Variants in COL5A1 observed in about 807,000 individuals in gnomAD.
The protein encoded by COL5A1 is collagen type V alpha 1 chain, also known as collagen alpha-1(V) chain.
A neutral mutation model predicts 263.7 loss-of-function variants in COL5A1; 16 were observed. That is an observed-to-expected ratio of 0.06 (90% CI 0.04 to 0.09). The LOEUF (loss-of-function observed/expected upper bound fraction) is 0.09. Among genes scored for constraint, COL5A1 ranks in the 10% least tolerant of loss-of-function variants. COL5A1 has a pLI of 1.00. For synonymous variants in COL5A1, 1,012 were observed against 1,004.5 expected, an observed-to-expected ratio of 1.01 and a Z score of -0.14; for missense variants, 2,036 against 2,540.5, an observed-to-expected ratio of 0.80 and a Z score of 4.27.
In COL5A1 at chr9:134,796,311, CAG is replaced by C. The variant is rs562739200; in HGVS notation, c.2800-60_2800-59del. On this transcript the variant is annotated intron_variant, in intron 34 of 65. Transcript: ENST00000371817. ...CAGACGTTTTGATGACGTTGTGGGC[CAG>C]AGTCTTTTCATCCAAATAATAACAA... 3.4e-3 allele frequency: 5,356 copies of C among 1,557,612 alleles called. 7 individuals carry two copies. The highest frequency in any genetic ancestry group is 4.4e-3 in the Non-Finnish European group (4,932 of 1,128,492).
intron 4 of COL5A1, among the ~76,000 whole-genome samples, chr9:134,710,325 C>G (rs1323832985): frequency 6.6e-6 from 1 of 152,258 alleles, no homozygotes; most frequent in East Asian, 1.9e-4. Flanking sequence ...GCAGTATTTT[C>G]ATAGCATCGC....
intron 2 of COL5A1, among the ~76,000 whole-genome samples, chr9:134,698,864 A>G (rs4072790): frequency 0.55 from 83,435 of 152,148 alleles, 24,263 homozygotes; most frequent in African/African-American, 0.76. Context: ...CCCACCCACC[A>G]GATCCCAGCC....
chr9:134,694,871 A>G (rs1379819789), intron 2 of COL5A1, among the ~76,000 whole-genome samples: 3 of 152,170 alleles, frequency 2.0e-5, no homozygotes, highest in Non-Finnish European at 4.4e-5. Context: ...CCCTGAAGGC[A>G]GCGGGCCTGG....
At chr9:134,654,854 A>G (rs1276115733) in intron 1 of COL5A1, among the ~76,000 whole-genome samples, 1 of 104,550 alleles carries the variant, frequency 9.6e-6, no homozygotes, top group Non-Finnish European at 1.8e-5. Flanking sequence ...TCGTGTGTGT[A>G]GGGCTGGAAG....
chr9:134,722,417 A>C (rs114641806), intron 4 of COL5A1, among the ~76,000 whole-genome samples: 2,722 of 152,324 alleles, frequency 0.018, 78 homozygotes, highest in African/African-American at 0.062. Flanking sequence ...ACAAGCACTG[A>C]GACCAGTGCC....
chr9:134,839,110 G>A (rs9410002), intron 65 of COL5A1, among the ~76,000 whole-genome samples: 66,593 of 152,164 alleles, frequency 0.44, 17,512 homozygotes, highest in Non-Finnish European at 0.6. Flanking sequence ...TTGTAATAAC[G>A]GCCGAAGAAA....
chr9:134,706,740 C>T (rs1833849246), intron 4 of COL5A1, among the ~76,000 whole-genome samples: 1 of 152,256 alleles, frequency 6.6e-6, no homozygotes, highest in African/African-American at 2.4e-5. Flanking sequence ...GGGCCCCCGC[C>T]TGGCATTCTG....
intron 2 of COL5A1, among the ~76,000 whole-genome samples, chr9:134,694,577 C>G (rs1030783264): frequency 6.6e-6 from 1 of 152,252 alleles, no homozygotes; most frequent in Non-Finnish European, 1.5e-5. Context: ...AATTTCCCCC[C>G]TCATTCGAAG....
intron 14 of COL5A1, 53 bp from the exon 15 acceptor site, chr9:134,753,797 T>G: frequency 1.7e-5 from 16 of 942,700 alleles, no homozygotes; most frequent in Non-Finnish European, 2.5e-5. Flanking sequence ...GCCCTTCCTG[T>G]GTTCTCGAGT....
At chr9:134,708,577 C>G (rs376627175) in intron 4 of COL5A1, 88 of 518,718 alleles carry the variant, frequency 1.7e-4, no homozygotes, top group Middle Eastern at 9.6e-4. Flanking sequence ...ACCTGTGTGG[C>G]AGCCCAGACC....
At chr9:134,720,411 C>T (rs1834410301) in intron 4 of COL5A1, among the ~76,000 whole-genome samples, 1 of 152,230 alleles carries the variant, frequency 6.6e-6, no homozygotes, top group African/African-American at 2.4e-5. Context: ...ACCAATTTTC[C>T]TGGTCTGTAG....
intron 45 of COL5A1, 48 bp from the exon 46 acceptor site, chr9:134,811,444 T>A: frequency 6.2e-7 from 1 of 1,613,368 alleles, no homozygotes; most frequent in Non-Finnish European, 8.5e-7. Flanking sequence ...CCCCCAGAGC[T>A]GCTGGCATTG....
At position 134,647,659 on chromosome 9, in the gene COL5A1, G is replaced by A. The variant is rs569276550; in HGVS notation, c.109+5363G>A. ...GAGGAGATGGCACGTGGAACCTGCC[G>A]GTTGAGCGTGAGGCTGTGGGTTCTG... On this transcript the variant is annotated intron_variant, in intron 1 of 65. Transcript: ENST00000371817. This position sits in a 1 kb window ranked among gnomAD's most constrained non-coding sequence, Gnocchi z 5.0. Among the ~76,000 whole-genome samples the A allele has an allele frequency of 6.6e-6, 1 of 152,312 alleles. No individual in the cohort carries two copies. Among genetic ancestry groups the A allele is most frequent in the Admixed American group, 6.5e-5 (1 of 15,306 alleles).
Position 134,842,600 on chromosome 9 carries a change from C to A in COL5A1, c.*297C>A. ...CCCGGGAGCGGGGCCATGCCTCCAG[C>A]CCCCCAGCTCGCCCGACCCATCCTG... On this transcript the variant is annotated 3_prime_UTR_variant, in exon 66 of 66. Coordinates refer to ENST00000371817, the MANE Select transcript of COL5A1 (RefSeq NM_000093.5). The surrounding 1 kb of genome is among the most constrained non-coding windows in gnomAD (Gnocchi z 5.8). The A allele has an allele frequency of 1.9e-6, 1 of 534,552 alleles. No homozygotes were observed. Among genetic ancestry groups the A allele is most frequent in the Non-Finnish European group, 3.4e-6 (1 of 296,128 alleles). 33.1% of individuals were successfully genotyped at this position (534,552 alleles called of 1,614,324 possible). A position where few individuals can be genotyped will look rare whatever the true frequency, so the allele number is the denominator to read the frequency against.
intron 8 of COL5A1, 128 bp from the exon 9 acceptor site, chr9:134,731,943 G>A (rs1588481574): frequency 8.9e-7 from 1 of 1,119,558 alleles, no homozygotes; most frequent in Non-Finnish European, 1.4e-6. Context: ...ATCCTCCTGG[G>A]CCTGGGGAGA....
chr9:134,781,318 C>T (rs986608711), intron 28 of COL5A1, among the ~76,000 whole-genome samples: 1 of 152,278 alleles, frequency 6.6e-6, no homozygotes, highest in African/African-American at 2.4e-5. Context: ...CAAGGGCATC[C>T]GCACAGCGGA....
intron 18 of COL5A1, among the ~76,000 whole-genome samples, chr9:134,760,036 ACG>A (rs1382478108): frequency 1.7e-5 from 2 of 119,048 alleles, no homozygotes; most frequent in African/African-American, 6.6e-5. Flanking sequence ...CCACGCACAC[ACG>A]CACATACACA....
intron 4 of COL5A1, among the ~76,000 whole-genome samples, chr9:134,706,497 A>G (rs1456781704): frequency 6.6e-6 from 1 of 152,088 alleles, no homozygotes; most frequent in Non-Finnish European, 1.5e-5. Flanking sequence ...GAGAAGGCGG[A>G]TGGGAGAGCA....
chr9:134,832,088 G>A (rs1839657677), intron 64 of COL5A1, among the ~76,000 whole-genome samples: 1 of 151,968 alleles, frequency 6.6e-6, no homozygotes, highest in Non-Finnish European at 1.5e-5. Context: ...AACATACCAA[G>A]ACTCCATCTC....
Sources: allele counts gnomAD v4.1 joint callset (sites outside exome capture counted in the v4.1 genomes callset), GRCh38; gene constraint gnomAD v4.1.1; non-coding constraint Gnocchi (gnomAD v3.1); transcripts MANE v1.5; gene names NCBI Gene and HGNC (gene_info 2026-07-23, HGNC 2026-07-21).